The following TSPAN14 variants were observed in gnomAD, a reference collection of about 807,000 sequenced individuals.
TSPAN14 encodes tetraspanin-14.
A neutral mutation model predicts 36.6 loss-of-function variants in TSPAN14; 16 were observed. The observed-to-expected ratio is 0.44, with a 90% CI of 0.30 to 0.66. TSPAN14 has a LOEUF of 0.66. Among genes scored for constraint, TSPAN14 ranks in the 30% least tolerant of loss-of-function variants. The pLI is 0.12. For synonymous variants in TSPAN14, 139 were observed against 143.8 expected, an observed-to-expected ratio of 0.97 and a Z score of 0.24; for missense variants, 231 against 355.1, an observed-to-expected ratio of 0.65 and a Z score of 2.81.
At chr10:80,498,387 CTG>C (rs1589281417) in intron 2 of TSPAN14, among the ~76,000 whole-genome samples, 2 of 152,188 alleles carry the variant, frequency 1.3e-5, no homozygotes, top group Admixed American at 6.5e-5. Flanking sequence ...GACCCTGACT[CTG>C]TGAGTTAGGG....
chr10:80,501,308 A>G (rs1848508844), intron 2 of TSPAN14, among the ~76,000 whole-genome samples: 1 of 128,588 alleles, frequency 7.8e-6, no homozygotes, highest in Non-Finnish European at 1.6e-5. Context: ...TTTTTTTTTA[A>G]GAGATGGGGG....
At chr10:80,489,900 C>T (rs1296403072) in intron 2 of TSPAN14, among the ~76,000 whole-genome samples, 2 of 152,062 alleles carry the variant, frequency 1.3e-5, no homozygotes, top group Non-Finnish European at 2.9e-5. Context: ...GGGAAGAATG[C>T]TCCAGATAGA....
chr10:80,518,058 G>A, exon 9 of TSPAN14: 4 of 1,428,428 alleles, frequency 2.8e-6, no homozygotes, highest in Non-Finnish European at 3.9e-6. Flanking sequence ...TCCAGAGGGA[G>A]AGGAGCCGAC....
chr10:80,479,724 C>T (rs1158437200), intron 1 of TSPAN14, among the ~76,000 whole-genome samples: 46 of 151,704 alleles, frequency 3.0e-4, no homozygotes, highest in African/African-American at 8.0e-4. Flanking sequence ...AGTCAGGTAG[C>T]GTGATGCCTC....
At chr10:80,515,267 G>A (rs1170682920) in intron 7 of TSPAN14, among the ~76,000 whole-genome samples, 1 of 152,132 alleles carries the variant, frequency 6.6e-6, no homozygotes, top group African/African-American at 2.4e-5. Context: ...CAAGGTGCTG[G>A]CGAGGTGAGG....
At chr10:80,457,013 G>T (rs1016265676) in intron 1 of TSPAN14, among the ~76,000 whole-genome samples, 4 of 152,062 alleles carry the variant, frequency 2.6e-5, no homozygotes, top group Admixed American at 6.5e-5. Flanking sequence ...AGTGAGCTGA[G>T]ATCGCGCCGT....
Position 80,492,588 on chromosome 10 carries a change from A to G in TSPAN14, c.81+3274A>G, listed in dbSNP as rs549879330. ...TCCCAGCACTTTGGGAGGCCGAGGCAGGCGGATCACGAGGTCAGGAGATCA... is the reference window on the plus strand; with the variant it reads ...TCCCAGCACTTTGGGAGGCCGAGGCGGGCGGATCACGAGGTCAGGAGATCA... On this transcript the variant is annotated intron_variant, in intron 2 of 8. Transcript: ENST00000429989. Among the ~76,000 whole-genome samples, 1,089 of 152,244 alleles carry G rather than the reference A, an allele frequency of 7.2e-3. 8 individuals are homozygous for G. Among genetic ancestry groups the G allele is most frequent in the South Asian group, 0.014 (68 of 4,826 alleles).
chr10:80,520,417 A>G (rs927831567), exon 9 of TSPAN14: 2 of 414,622 alleles, frequency 4.8e-6, no homozygotes, highest in Non-Finnish European at 9.6e-6. Flanking sequence ...GGCTGTCCGC[A>G]CAGAGGCACA....
chr10:80,473,774 G>A (rs937427241), intron 1 of TSPAN14, among the ~76,000 whole-genome samples: 1 of 148,394 alleles, frequency 6.7e-6, no homozygotes, highest in African/African-American at 2.5e-5. Flanking sequence ...ATTTTGCAGT[G>A]TTTCTGGTGG....
At chr10:80,516,000 C>T in intron 7 of TSPAN14, 1 of 665,628 alleles carries the variant, frequency 1.5e-6, no homozygotes, top group Non-Finnish European at 2.5e-6. Flanking sequence ...TTTGGTCAGA[C>T]AGGTGGTGCG....
At chr10:80,493,210 C>T (rs1047195344) in intron 2 of TSPAN14, among the ~76,000 whole-genome samples, 1 of 152,198 alleles carries the variant, frequency 6.6e-6, no homozygotes, top group Non-Finnish European at 1.5e-5. Context: ...TGAGATACCA[C>T]TTCACACCCA....
At chr10:80,474,448 C>G (rs1274855069) in intron 1 of TSPAN14, among the ~76,000 whole-genome samples, 1 of 150,546 alleles carries the variant, frequency 6.6e-6, no homozygotes, top group Admixed American at 6.6e-5. Flanking sequence ...GACCTGTGCC[C>G]TCAGGACGGG....
rs72819600 is a variant in TSPAN14 at position 80,502,491 on chromosome 10, C to T, written c.82-2237C>T. Among the ~76,000 whole-genome samples the T allele has an allele frequency of 5.2e-3, 793 of 152,146 alleles. 6 individuals are homozygous for T. The highest frequency in any genetic ancestry group is 7.8e-3 in the Non-Finnish European group (528 of 67,992). ...GCAGAGACACTGGAGGAAAGCTGGT[C>T]GAATGCACTGTGTATTTGGAGGCAG... is the stretch of plus-strand genomic sequence containing the variant. On this transcript the variant is annotated intron_variant, in intron 2 of 8. Transcript: ENST00000429989.
chr10:80,478,457 A>G (rs1010494259), intron 1 of TSPAN14, among the ~76,000 whole-genome samples: 1 of 152,058 alleles, frequency 6.6e-6, no homozygotes, highest in East Asian at 1.9e-4. Context: ...TGAGGAAAAT[A>G]TTGCCTGAAA....
intron 2 of TSPAN14, among the ~76,000 whole-genome samples, chr10:80,502,050 G>A (rs927252612): frequency 2.0e-5 from 3 of 152,208 alleles, no homozygotes; most frequent in Non-Finnish European, 4.4e-5. Context: ...GGAGGATGGG[G>A]AGCAGTTCCA....
chr10:80,509,563 G>A lies in TSPAN14; in HGVS notation c.450+92G>A. 1 of 1,392,406 alleles carries A rather than the reference G, an allele frequency of 7.2e-7. No individual in the cohort carries two copies. The highest frequency in any genetic ancestry group is 9.8e-7 in the Non-Finnish European group (1 of 1,018,948). 86.3% of individuals were successfully genotyped at this position (1,392,406 alleles called of 1,614,324 possible). ...AGCAGGGGCATCAGGCCTTCTCTGTGGGTTGTCTGCCTGCAGCTTGGCAGA... is the reference window on the plus strand; with the variant it reads ...AGCAGGGGCATCAGGCCTTCTCTGTAGGTTGTCTGCCTGCAGCTTGGCAGA... On this transcript the variant is annotated intron_variant, in intron 5 of 8. Coordinates refer to ENST00000429989, the Ensembl canonical transcript of TSPAN14. This position sits in a 1 kb window ranked among gnomAD's most constrained non-coding sequence, Gnocchi z 4.7.
exon 9 of TSPAN14, chr10:80,519,563 T>C (rs914135828): frequency 6.6e-6 from 1 of 151,820 alleles, no homozygotes; most frequent in African/African-American, 2.4e-5. Context: ...AGAATGCTTG[T>C]GTTTTTCGGA....
intron 2 of TSPAN14, among the ~76,000 whole-genome samples, chr10:80,492,098 G>A (rs1847951191): frequency 6.6e-6 from 1 of 152,202 alleles, no homozygotes; most frequent in Admixed American, 6.5e-5. Flanking sequence ...TTTTCCTTGT[G>A]ATGTAGCACT....
chr10:80,483,748 A>G (rs1847420368), intron 1 of TSPAN14, among the ~76,000 whole-genome samples: 1 of 151,770 alleles, frequency 6.6e-6, no homozygotes, highest in African/African-American at 2.4e-5. Flanking sequence ...TGTCTCTACT[A>G]AAAATACAAA....
Sources: allele counts gnomAD v4.1 joint callset (sites outside exome capture counted in the v4.1 genomes callset), GRCh38; gene constraint gnomAD v4.1.1; non-coding constraint Gnocchi (gnomAD v3.1); transcripts MANE v1.5; gene names NCBI Gene and HGNC (gene_info 2026-07-23, HGNC 2026-07-21).